Variants in TRIP11 observed in about 807,000 individuals in gnomAD.
TRIP11 encodes the protein thyroid receptor-interacting protein 11.
Under a neutral mutation model 223.1 loss-of-function variants are expected in TRIP11, and 148 were observed. The ratio of observed to expected loss-of-function variants is 0.66; its 90% CI spans 0.58 to 0.76. TRIP11 has a LOEUF of 0.76. Among genes scored for constraint, TRIP11 ranks in the 30% least tolerant of loss-of-function variants. The pLI, the probability that TRIP11 is intolerant of heterozygous loss-of-function variation, is 0.00. For synonymous variants in TRIP11, 762 were observed against 772.6 expected (o/e 0.99, Z 0.23); for missense variants, 2,043 against 2,222.0 (o/e 0.92, Z 1.62).
intron 2 of TRIP11, among the ~76,000 whole-genome samples, chr14:92,029,280 ATTTTTTTTT>A (rs60778253): frequency 1.4e-4 from 11 of 76,794 alleles, no homozygotes; most frequent in African/African-American, 4.6e-4. Flanking sequence ...CCAAAGTATT[ATTTTTTTTT>A]TTTTTTTTTT....
intron 5 of TRIP11, among the ~76,000 whole-genome samples, chr14:92,016,833 C>T (rs922656639): frequency 2.0e-5 from 3 of 152,048 alleles, no homozygotes; most frequent in African/African-American, 4.8e-5. Flanking sequence ...AGGTCTGATC[C>T]GGATTCTATC....
In TRIP11 at chr14:91,966,891, A is replaced by C. The variant is rs1383425432; in HGVS notation, c.*2782T>G. On this transcript the variant is annotated 3_prime_UTR_variant, in exon 21 of 21. Transcript: ENST00000267622. Reference sequence around the variant, plus strand: ...ACTGAGTGGATAGAGAAATAAACAGAAAAATTACTGTAGTTAAAATATTGC... The same window carrying C: ...ACTGAGTGGATAGAGAAATAAACAGCAAAATTACTGTAGTTAAAATATTGC... The C allele has an allele frequency of 4.6e-6, 1 of 215,562 alleles. No homozygotes were observed. Among genetic ancestry groups the C allele is most frequent in the African/African-American group, 2.3e-5 (1 of 44,332 alleles). 13.4% of individuals were successfully genotyped at this position (215,562 alleles called of 1,614,324 possible). A position where few individuals can be genotyped will look rare whatever the true frequency, so the allele number is the denominator to read the frequency against.
intron 16 of TRIP11, chr14:91,977,243 T>C: frequency 2.2e-6 from 1 of 454,578 alleles, no homozygotes; most frequent in Non-Finnish European, 4.4e-6. Flanking sequence ...ACTTTCTTGA[T>C]GATATCTTTT....
chr14:92,002,805 TC>T (rs2056843947), intron 11 of TRIP11, among the ~76,000 whole-genome samples: 1 of 152,052 alleles, frequency 6.6e-6, no homozygotes, highest in African/African-American at 2.4e-5. Context: ...GGTCTCAAAC[TC>T]CTGACCTCAG....
At position 91,978,612 on chromosome 14, in the gene TRIP11, C is replaced by T. The variant is rs918076125; in HGVS notation, c.5261-2423G>A. 2.6e-5 allele frequency among the ~76,000 whole-genome samples: 4 copies of T among 152,092 alleles called. No individual in the cohort carries two copies. The highest frequency in any genetic ancestry group is 9.7e-5 in the African/African-American group (4 of 41,408). ...CTCCTGGGGTCAAGCCATCCTCCTG[C>T]CTCAGCCTCAGGAAATAGTTGAGAT... On this transcript the variant is annotated intron_variant, in intron 16 of 20. Coordinates refer to ENST00000267622, the MANE Select transcript of TRIP11 (RefSeq NM_004239.4). This position sits in a 1 kb window ranked among gnomAD's most constrained non-coding sequence, Gnocchi z 4.4.
At chr14:91,994,490 C>T (rs1260964193) in intron 14 of TRIP11, among the ~76,000 whole-genome samples, 2 of 152,050 alleles carry the variant, frequency 1.3e-5, no homozygotes, top group Admixed American at 6.6e-5. Context: ...GTGATCTGCC[C>T]GCCTTGGCCT....
chr14:91,981,010 ATATTTTTTTTTTTT>A (rs1317385762), intron 16 of TRIP11, among the ~76,000 whole-genome samples: 4 of 55,838 alleles, frequency 7.2e-5, no homozygotes, highest in African/African-American at 2.0e-4. Flanking sequence ...ATATATATAT[ATATTTTTTTTTTTT>A]TTTTTTTTTT....
rs1354551076 is a variant in TRIP11, at chr14:92,003,474, T to C, written c.4502A>G (p.His1501Arg). 2.5e-6 allele frequency: 4 copies of C among 1,614,064 alleles called. No individual in the cohort carries two copies. Among genetic ancestry groups the C allele is most frequent in the Non-Finnish European group, 3.4e-6 (4 of 1,180,012 alleles). The change falls in exon 11 of 21, where the codon CAC (histidine) becomes CGC (arginine). Residue 1501 changes from histidine (H) to arginine (R), a missense_variant. By Grantham distance (29) the His-to-Arg change is conservative. Transcript: ENST00000267622. ...MMLREKEFECHSMKEKALAFE... is the reference protein window; with the variant it reads ...MMLREKEFECRSMKEKALAFE... The stretch of plus-strand genomic sequence containing the variant: ...AGCAAGAGCCTTCTCCTTCATTGAG[T>C]GGCACTCAAACTCTTTTTCTCGCAG...
rs140913980 is a variant in TRIP11, at chr14:91,978,919, T to A, written c.5261-2730A>T. ...TATTCCTACTGGACAGTACTGCTTT[T>A]AGAACATAACCAGGATATAACACTA... On this transcript the variant is annotated intron_variant, in intron 16 of 20. Coordinates refer to ENST00000267622, the MANE Select transcript of TRIP11 (RefSeq NM_004239.4). This position sits in a 1 kb window ranked among gnomAD's most constrained non-coding sequence, Gnocchi z 4.4. Among the ~76,000 whole-genome samples the A allele has an allele frequency of 6.6e-6, 1 of 152,316 alleles. No individual in the cohort carries two copies. Among genetic ancestry groups the A allele is most frequent in the Admixed American group, 6.5e-5 (1 of 15,300 alleles).
At position 92,005,036 on chromosome 14, in the gene TRIP11, A is replaced by T. The variant is rs1286708140; in HGVS notation, c.2940T>A (p.His980Gln). 6.2e-7 allele frequency: 1 copy of T among 1,613,880 alleles called. No homozygotes were observed. Reference sequence around the variant, plus strand: ...CTGTTTGAATGTCCTGTCTTTCTTCATGCAACTGGGTTTTGATTTGTTCAA... The same window carrying T: ...CTGTTTGAATGTCCTGTCTTTCTTCTTGCAACTGGGTTTTGATTTGTTCAA... ...KTIEQIKTQLHEERQDIQTDN... is the reference protein window; with the variant it reads ...KTIEQIKTQLQEERQDIQTDN... The change falls in exon 11 of 21, where the codon CAT becomes CAA. Residue 980 changes from histidine to glutamine, a missense_variant. By Grantham distance (24) the His-to-Gln change is conservative. Transcript: ENST00000267622.
rs1405036308 is a variant in TRIP11 at position 92,006,412 on chromosome 14, G to T, written c.1564C>A (p.Gln522Lys). ...ILIKDQLSKQ[Q>K]NEGDSIISKL... ...CTGATGATGCTATCTCCTTCATTTT[G>T]TTGTTTTGATAGCTGATCTTTTATC... is the stretch of plus-strand genomic sequence containing the variant. Residue 522 changes from glutamine to lysine, a missense_variant, in exon 11 of 21, where the codon CAA (glutamine) becomes AAA (lysine). Coordinates refer to ENST00000267622, the MANE Select transcript of TRIP11 (RefSeq NM_004239.4). 1 of 1,612,422 alleles carries T rather than the reference G, an allele frequency of 6.2e-7. No homozygotes were observed. Among genetic ancestry groups the T allele is most frequent in the African/African-American group, 1.3e-5 (1 of 74,800 alleles).
chr14:91,988,180 C>G (rs2056625739), intron 16 of TRIP11, 104 bp downstream of exon 16: 17 of 817,496 alleles, frequency 2.1e-5, no homozygotes, highest in Non-Finnish European at 3.4e-5. Flanking sequence ...AGTCACACAT[C>G]AATGAAGTTG....
intron 13 of TRIP11, among the ~76,000 whole-genome samples, chr14:91,997,949 T>C (rs1406303237): frequency 6.6e-6 from 1 of 152,184 alleles, no homozygotes; most frequent in Non-Finnish European, 1.5e-5. Flanking sequence ...TACAGAATGT[T>C]ACAGCATTTC....
At position 91,974,664 on chromosome 14, in the gene TRIP11, G is replaced by A. The variant is rs141259390; in HGVS notation, c.5537C>T (p.Thr1846Ile). 8.0e-4 allele frequency: 1,293 copies of A among 1,612,602 alleles called. 8 individuals carry two copies. In the Middle Eastern group the frequency reaches 0.014, roughly 18 times the overall value. The change falls in exon 19 of 21, where the codon ACA (threonine) becomes ATA (isoleucine). Residue 1846 changes from threonine to isoleucine, a missense_variant. By Grantham distance (89) the Thr-to-Ile change is moderately conservative. Coordinates refer to ENST00000267622, the MANE Select transcript of TRIP11 (RefSeq NM_004239.4). ...LGGGSKSVPN[T>I]PLRPNQQSVV... ...AGATTGCTGATTTGGTCTCAAAGGT[G>A]TGTTGGGAACACTTTTTGATCCTCC...
chr14:91,994,257 ACT>A (rs1491096126), intron 14 of TRIP11, among the ~76,000 whole-genome samples: 1,770 of 141,156 alleles, frequency 0.013, 18 homozygotes, highest in African/African-American at 0.046. Flanking sequence ...GACCTCAAAA[ACT>A]TTTTTTTTTT....
At chr14:92,026,568 G>C in intron 2 of TRIP11, 2 of 1,274,778 alleles carry the variant, frequency 1.6e-6, no homozygotes, top group East Asian at 4.7e-5. Context: ...GCCCTACCAT[G>C]TCAGACGCAG....
intron 3 of TRIP11, among the ~76,000 whole-genome samples, chr14:92,022,986 T>C (rs560838541): frequency 1.3e-5 from 2 of 152,334 alleles, no homozygotes; most frequent in South Asian, 4.1e-4. Context: ...TATATAATCA[T>C]ATATTTCATC....
At position 92,003,802 on chromosome 14, in the gene TRIP11, C is replaced by T. The variant is rs1314525163; in HGVS notation, c.4174G>A (p.Asp1392Asn). ...ELERKEHEQT[D>N]SEIKQLKEKQ... is the part of the protein sequence containing the mutation. ...TCCTTTAGCTGCTTGATTTCTGAAT[C>T]GGTTTGTTCGTGTTCTTTTCTTTCT... is the stretch of plus-strand genomic sequence containing the variant. The change falls in exon 11 of 21, where the codon GAT becomes AAT. Residue 1392 changes from aspartate (D) to asparagine (N), a missense_variant. Asp to Asn is a conservative substitution (Grantham distance 23). Coordinates refer to ENST00000267622, the MANE Select transcript of TRIP11 (RefSeq NM_004239.4). 6 of 1,613,980 alleles carry T rather than the reference C, an allele frequency of 3.7e-6. No individual in the cohort carries two copies. Among genetic ancestry groups the T allele is most frequent in the Admixed American group, 3.3e-5 (2 of 59,994 alleles).
chr14:92,001,216 G>GA (rs1289759064), intron 11 of TRIP11, among the ~76,000 whole-genome samples: 1 of 151,944 alleles, frequency 6.6e-6, no homozygotes, highest in Non-Finnish European at 1.5e-5. Context: ...CCTATTTACA[G>GA]TTTAGTATAT....
Sources: gnomAD v4.1 joint callset for allele counts (sites outside exome capture counted in the v4.1 genomes callset) on GRCh38, gnomAD v4.1.1 for gene constraint, Gnocchi (gnomAD v3.1) non-coding constraint, MANE v1.5 for transcripts, NCBI Gene and HGNC (gene_info 2026-07-23, HGNC 2026-07-21) for gene names.